The following LAT2 variants were observed in gnomAD, a reference collection of about 807,000 sequenced individuals.
LAT2 encodes linker for activation of T-cells family member 2.
In LAT2, 23 loss-of-function variants were observed where a neutral mutation model predicts 43.4. That is an observed-to-expected ratio of 0.53 (90% CI 0.38 to 0.75). LAT2 has a LOEUF of 0.75. Among genes scored for constraint, LAT2 ranks in the 30% least tolerant of loss-of-function variants. The pLI, the probability that LAT2 is intolerant of heterozygous loss-of-function variation, is 0.00. For missense variants in LAT2, 284 were observed against 310.2 expected (o/e 0.92, Z 0.64); for synonymous variants, 128 against 123.2 (o/e 1.04, Z -0.26).
intron 1 of LAT2, among the ~76,000 whole-genome samples, chr7:74,211,198 G>A (rs1801723913): frequency 6.8e-6 from 1 of 147,500 alleles, no homozygotes; most frequent in Admixed American, 6.8e-5. Context: ...CTCCACCTCA[G>A]CCCACCTGCT....
chr7:74,223,657 C>A (rs1274906084), intron 10 of LAT2, 67 bp from the exon 11 acceptor site: 1 of 1,440,956 alleles, frequency 6.9e-7, no homozygotes, highest in Non-Finnish European at 9.8e-7. Flanking sequence ...CAGGACAGAG[C>A]GGGAGGATGA....
rs565950552 is a variant in LAT2, at chr7:74,219,890, G to T, written c.179-70G>T. On this transcript the variant is annotated intron_variant, in intron 5 of 13. Coordinates refer to ENST00000460943, the MANE Select transcript of LAT2 (RefSeq NM_032464.3). Reference sequence around the variant, plus strand: ...GAGACCGTGGCCAGGCCTGATGTGGGGGGATGATGGGGTGAGGGGGCTGGG... The same window carrying T: ...GAGACCGTGGCCAGGCCTGATGTGGTGGGATGATGGGGTGAGGGGGCTGGG... The T allele has an allele frequency of 7.4e-6, 12 of 1,612,178 alleles. No homozygotes were observed. In the African/African-American group the frequency reaches 1.6e-4, roughly 21 times the overall value.
At chr7:74,224,296 C>T in intron 12 of LAT2, 99 bp downstream of exon 12, 1 of 1,258,826 alleles carries the variant, frequency 7.9e-7, no homozygotes, top group Non-Finnish European at 1.1e-6. Context: ...TCCAGCCAGT[C>T]CAGCTAACCC....
At position 74,221,564 on chromosome 7, in the gene LAT2, G is replaced by A. The variant is rs1368438663; in HGVS notation, c.333-73G>A. On this transcript the variant is annotated intron_variant, in intron 9 of 13. Coordinates refer to ENST00000460943, the MANE Select transcript of LAT2 (RefSeq NM_032464.3). ...TGGTGGGAGCAGCCCTGGCCTCACC[G>A]CCCCCTTATGGAGCCCCCAACCCGA... 2.3e-5 allele frequency: 28 copies of A among 1,218,196 alleles called. 1 individual carries two copies. Among genetic ancestry groups the A allele is most frequent in the Middle Eastern group, 3.9e-4 (2 of 5,150 alleles). 75.5% of individuals were successfully genotyped at this position (1,218,196 alleles called of 1,614,324 possible).
Position 74,229,685 on chromosome 7 carries a change from G to A in LAT2, c.*760G>A, listed in dbSNP as rs1313207205. The stretch of plus-strand genomic sequence containing the variant: ...TGGCCCTGAATCCTCCTCTGCTCCA[G>A]GGCTGGCCTCTGCAGAGCTGATTAA... On this transcript the variant is annotated 3_prime_UTR_variant, in exon 14 of 14. Coordinates refer to ENST00000460943, the MANE Select transcript of LAT2 (RefSeq NM_032464.3). The A allele has an allele frequency of 1.3e-5, 2 of 152,404 alleles. No individual in the cohort carries two copies. The highest frequency in any genetic ancestry group is 4.8e-5 in the African/African-American group (2 of 41,468). 9.4% of individuals were successfully genotyped at this position (152,404 alleles called of 1,614,324 possible).
At chr7:74,223,640 G>A in intron 10 of LAT2, 84 bp from the exon 11 acceptor site, 1 of 1,331,270 alleles carries the variant, frequency 7.5e-7, no homozygotes. Flanking sequence ...CCCCTGCAAA[G>A]GGAAGGCAGG....
chr7:74,226,205 T>G (rs1158533545), intron 13 of LAT2: 1 of 151,476 alleles, frequency 6.6e-6, no homozygotes, highest in Non-Finnish European at 1.5e-5. Flanking sequence ...TGGCGCCATC[T>G]CGGCTCACTG....
chr7:74,212,484 G>A (rs1457415196), intron 1 of LAT2, among the ~76,000 whole-genome samples: 1 of 151,848 alleles, frequency 6.6e-6, no homozygotes, highest in African/African-American at 2.4e-5. Flanking sequence ...GTTTCACCAT[G>A]TTGGCCAAGC....
chr7:74,215,537 G>A (rs1554714112), intron 2 of LAT2, among the ~76,000 whole-genome samples: 1 of 152,196 alleles, frequency 6.6e-6, no homozygotes, highest in East Asian at 1.9e-4. Flanking sequence ...GCCAGGGTTA[G>A]GGGCAGGACA....
intron 12 of LAT2, 92 bp from the exon 13 acceptor site, chr7:74,224,547 T>G: frequency 3.6e-6 from 4 of 1,115,140 alleles, no homozygotes; most frequent in Non-Finnish European, 5.3e-6. Flanking sequence ...CCGCGGGCTG[T>G]TTTGTGGAGT....
intron 11 of LAT2, 29 bp from the exon 12 acceptor site, chr7:74,223,989 C>A: frequency 6.2e-7 from 1 of 1,606,870 alleles, no homozygotes; most frequent in Non-Finnish European, 8.5e-7. Context: ...GGGACTGAGC[C>A]AAGGGGGGCC....
chr7:74,210,254 G>C (rs1554712945), intron 1 of LAT2, among the ~76,000 whole-genome samples, 166 bp downstream of exon 1: 1 of 152,160 alleles, frequency 6.6e-6, no homozygotes, highest in Non-Finnish European at 1.5e-5. Context: ...GGGTCAGTTT[G>C]TTTCTGGGCT....
At chr7:74,223,991 A>C in intron 11 of LAT2, 27 bp from the exon 12 acceptor site, 2 of 1,608,412 alleles carry the variant, frequency 1.2e-6, no homozygotes, top group Non-Finnish European at 8.5e-7. Context: ...GACTGAGCCA[A>C]GGGGGGCCTA....
chr7:74,222,114 G>T (rs1733366923), intron 10 of LAT2, among the ~76,000 whole-genome samples: 1 of 151,770 alleles, frequency 6.6e-6, no homozygotes, highest in Admixed American at 6.6e-5. Flanking sequence ...GGCCGGGTGT[G>T]GTGGCTCACC....
chr7:74,224,437 G>A (rs1802408948), intron 12 of LAT2, among the ~76,000 whole-genome samples: 1 of 152,204 alleles, frequency 6.6e-6, no homozygotes, highest in African/African-American at 2.4e-5. Context: ...CTGCATGCAT[G>A]GAGTAACGCA....
chr7:74,226,883 G>C (rs1802509374), intron 13 of LAT2, among the ~76,000 whole-genome samples: 1 of 151,988 alleles, frequency 6.6e-6, no homozygotes, highest in Non-Finnish European at 1.5e-5. Flanking sequence ...GAGGCCCCAG[G>C]GTGGAGTGAG....
At chr7:74,224,610 C>T (rs782401353) in intron 12 of LAT2, 29 bp from the exon 13 acceptor site, 11 of 1,549,314 alleles carry the variant, frequency 7.1e-6, no homozygotes, top group Middle Eastern at 1.7e-4. Context: ...GTGAACCACT[C>T]GATGACCTGT....
rs920063019 is a variant in LAT2 at position 74,220,123 on chromosome 7, T to C, written c.228-94T>C. ...GAGTCCCAGAGCTCCAGGGCTCAGC[T>C]ATGAAGGCCCCACAAGGGGTATGGG... On this transcript the variant is annotated intron_variant, in intron 6 of 13. Transcript: ENST00000460943. This position sits in a 1 kb window ranked among gnomAD's most constrained non-coding sequence, Gnocchi z 4.5. 11 of 1,563,056 alleles carry C rather than the reference T, an allele frequency of 7.0e-6. No individual in the cohort carries two copies. The highest frequency in any genetic ancestry group is 9.6e-6 in the Non-Finnish European group (11 of 1,145,054).
intron 13 of LAT2, among the ~76,000 whole-genome samples, chr7:74,228,629 C>G (rs140068840): frequency 1.3e-5 from 1 of 78,070 alleles, no homozygotes; most frequent in African/African-American, 4.7e-5. Context: ...ACTAAAAATA[C>G]AAAAAAAAAA....
Sources: gnomAD v4.1 joint callset for allele counts (sites outside exome capture counted in the v4.1 genomes callset) on GRCh38, gnomAD v4.1.1 for gene constraint, Gnocchi (gnomAD v3.1) non-coding constraint, MANE v1.5 for transcripts, NCBI Gene and HGNC (gene_info 2026-07-23, HGNC 2026-07-21) for gene names.